Variants in RABGAP1L observed in about 807,000 individuals in gnomAD.
RABGAP1L encodes RAB GTPase activating protein 1 like, also known as rab GTPase-activating protein 1-like.
Under a neutral mutation model 137.7 loss-of-function variants are expected in RABGAP1L, and 63 were observed. The ratio of observed to expected loss-of-function variants is 0.46; its 90% CI spans 0.37 to 0.56. The LOEUF (loss-of-function observed/expected upper bound fraction) is 0.56. Ranked by LOEUF, RABGAP1L falls within the 20% of genes least tolerant of loss-of-function variation. RABGAP1L has a pLI of 0.00. For synonymous variants in RABGAP1L, 431 were observed against 433.7 expected (o/e 0.99, Z 0.08); for missense variants, 1,095 against 1,244.0 (o/e 0.88, Z 1.80).
intron 13 of RABGAP1L, among the ~76,000 whole-genome samples, chr1:174,440,972 G>A (rs1390847638): frequency 1.3e-5 from 2 of 151,928 alleles, no homozygotes; most frequent in African/African-American, 4.8e-5. Flanking sequence ...TGGCTTTGCT[G>A]TTTAAGTTCT....
intron 19 of RABGAP1L, chr1:174,945,536 T>G (rs1166350805): frequency 1.3e-5 from 2 of 152,196 alleles, no homozygotes; most frequent in Non-Finnish European, 1.5e-5. Flanking sequence ...AGAGAAGAAT[T>G]TTTATTGCTT....
rs746283900 is a variant in RABGAP1L at position 174,241,511 on chromosome 1, A to G, written c.571A>G (p.Ile191Val). ...TATAGACCAATCCAGCAATGTGGAG[A>G]TAGCATCTTTTCCAATCTATAAGGT... is the stretch of plus-strand genomic sequence containing the variant. ...RIIDQSSNVE[I>V]ASFPIYKVLF... is the part of the protein sequence containing the mutation. Residue 191 changes from isoleucine to valine, a missense_variant, in exon 5 of 26, where the codon ATA becomes GTA. Physicochemically the swap from Ile to Val is conservative, Grantham distance 29. Around this residue, in one of 4 missense-constraint regions of RABGAP1L, gnomAD observed 356 missense variants for 326.3 expected, o/e 1.09. Transcript: ENST00000681986. 1.9e-6 allele frequency: 3 copies of G among 1,604,700 alleles called. No individual in the cohort carries two copies. The highest frequency in any genetic ancestry group is 1.7e-4 in the Middle Eastern group (1 of 6,046).
At position 174,946,940 on chromosome 1, in the gene RABGAP1L, A is replaced by ATGTGTGTG. The variant is rs755558389; in HGVS notation, c.2341-10483_2341-10476dup. Among the ~76,000 whole-genome samples the ATGTGTGTG allele has an allele frequency of 9.2e-4, 56 of 60,950 alleles. 3 individuals carry two copies. Among genetic ancestry groups the ATGTGTGTG allele is most frequent in the African/African-American group, 3.5e-3 (47 of 13,408 alleles). 40.0% of individuals were successfully genotyped at this position (60,950 alleles called of 152,430 possible). A position where few individuals can be genotyped will look rare whatever the true frequency, so the allele number is the denominator to read the frequency against. On this transcript the variant is annotated intron_variant, in intron 19 of 25. Transcript: ENST00000681986. ...AAAATATATATATATATATATATAT[A>ATGTGTGTG]TGTGTGTGTGTGTGTGTGTGTGTGT... is the stretch of plus-strand genomic sequence containing the variant.
intron 14 of RABGAP1L, among the ~76,000 whole-genome samples, chr1:174,659,543 T>A (rs1676217403): frequency 6.6e-6 from 1 of 152,224 alleles, no homozygotes; most frequent in African/African-American, 2.4e-5. Context: ...TTTCTCTTTT[T>A]CTCAACTTCT....
At chr1:174,170,612 T>C (rs1665281759) in intron 1 of RABGAP1L, among the ~76,000 whole-genome samples, 1 of 149,876 alleles carries the variant, frequency 6.7e-6, no homozygotes, top group African/African-American at 2.5e-5. Context: ...GAGGCTGAGG[T>C]TGCAGTGAGC....
At chr1:174,275,720 G>A (rs1325547744) in intron 8 of RABGAP1L, 113 bp from the exon 9 acceptor site, 33 of 681,418 alleles carry the variant, frequency 4.8e-5, no homozygotes, top group Non-Finnish European at 7.7e-5. Context: ...TAAAGCTCCT[G>A]CTTGACTGTT....
intron 19 of RABGAP1L, among the ~76,000 whole-genome samples, chr1:174,916,355 C>T (rs1660875771): frequency 6.6e-6 from 1 of 152,142 alleles, no homozygotes; most frequent in African/African-American, 2.4e-5. Flanking sequence ...TACATGCAAT[C>T]TTGTCAATGA....
intron 1 of RABGAP1L, among the ~76,000 whole-genome samples, chr1:174,170,039 C>G (rs774466645): frequency 1.3e-4 from 20 of 152,274 alleles, no homozygotes; most frequent in Admixed American, 2.6e-4. Context: ...AGCTTTTAGA[C>G]ATTTTTATCA....
At chr1:174,813,403 G>C (rs141259655) in intron 19 of RABGAP1L, among the ~76,000 whole-genome samples, 47 of 152,250 alleles carry the variant, frequency 3.1e-4, no homozygotes, top group Non-Finnish European at 4.7e-4. Context: ...GGAGATAAGA[G>C]TCACCATCAA....
At chr1:174,522,110 G>T (rs1663454111) in intron 13 of RABGAP1L, among the ~76,000 whole-genome samples, 1 of 151,756 alleles carries the variant, frequency 6.6e-6, no homozygotes. Context: ...TGGTTTTCAA[G>T]ATCCCATCCT....
chr1:174,217,813 AAAGT>A (rs1669451879), intron 1 of RABGAP1L, among the ~76,000 whole-genome samples: 1 of 152,086 alleles, frequency 6.6e-6, no homozygotes, highest in African/African-American at 2.4e-5. Flanking sequence ...ATAAAGTTGG[AAAGT>A]AATTACTTTT....
At chr1:174,859,622 T>G (rs1011820606) in intron 19 of RABGAP1L, among the ~76,000 whole-genome samples, 1 of 152,116 alleles carries the variant, frequency 6.6e-6, no homozygotes, top group East Asian at 1.9e-4. Flanking sequence ...TACTGTGTGT[T>G]CTCACTTACA....
At chr1:174,164,814 A>G (rs2148196700) in intron 1 of RABGAP1L, among the ~76,000 whole-genome samples, 1 of 152,356 alleles carries the variant, frequency 6.6e-6, no homozygotes, top group East Asian at 1.9e-4. Context: ...ACATTTAACA[A>G]CAAATACAAC....
intron 19 of RABGAP1L, among the ~76,000 whole-genome samples, chr1:174,900,238 G>A (rs1425526905): frequency 1.3e-5 from 2 of 152,158 alleles, no homozygotes; most frequent in African/African-American, 2.4e-5. Flanking sequence ...ACCAAAGCAC[G>A]GATTTACTGA....
chr1:174,696,974 C>T (rs1679306238), intron 15 of RABGAP1L, among the ~76,000 whole-genome samples: 1 of 152,186 alleles, frequency 6.6e-6, no homozygotes, highest in Admixed American at 6.5e-5. Flanking sequence ...AAAATTGTCT[C>T]TGATGTTTAC....
chr1:174,309,106 T>G (rs1275909415), intron 11 of RABGAP1L, among the ~76,000 whole-genome samples: 1 of 152,070 alleles, frequency 6.6e-6, no homozygotes, highest in East Asian at 1.9e-4. Flanking sequence ...GTTAAATTTA[T>G]TTCTAAGTAT....
chr1:174,621,738 A>C (rs1330694142), intron 13 of RABGAP1L, among the ~76,000 whole-genome samples: 19 of 152,178 alleles, frequency 1.2e-4, no homozygotes, highest in Admixed American at 1.1e-3. Flanking sequence ...TAGACCTAAA[A>C]CCATAAAAAC....
chr1:174,956,955 G>T (rs1412642747), intron 19 of RABGAP1L, among the ~76,000 whole-genome samples: 7 of 151,990 alleles, frequency 4.6e-5, no homozygotes, highest in Admixed American at 2.0e-4. Context: ...GGCCATTTTA[G>T]AATATTTCTT....
At chr1:174,877,244 A>G (rs759293322) in intron 19 of RABGAP1L, 3 of 577,532 alleles carry the variant, frequency 5.2e-6, no homozygotes, top group Non-Finnish European at 9.0e-6. Context: ...GAAGGTGTTT[A>G]TAGTGTATAC....
Sources: gnomAD v4.1 joint callset for allele counts (sites outside exome capture counted in the v4.1 genomes callset) on GRCh38, gnomAD v4.1.1 for gene constraint, gnomAD v4.1.1 regional missense constraint, MANE v1.5 for transcripts, NCBI Gene and HGNC (gene_info 2026-07-23, HGNC 2026-07-21) for gene names.